Variants in MFSD8 observed in about 807,000 individuals in gnomAD.
MFSD8 encodes the protein major facilitator superfamily domain containing 8.
Under a neutral mutation model 66.4 loss-of-function variants are expected in MFSD8, and 55 were observed. The observed-to-expected ratio is 0.83, with a 90% CI of 0.67 to 1.04. The LOEUF (loss-of-function observed/expected upper bound fraction) is 1.04. Ranked by LOEUF, MFSD8 falls within the 50% of genes least tolerant of loss-of-function variation. MFSD8 has a pLI of 0.00. For missense variants in MFSD8, 550 were observed against 627.6 expected, an observed-to-expected ratio of 0.88 and a Z score of 1.32; for synonymous variants, 202 against 212.8, an observed-to-expected ratio of 0.95 and a Z score of 0.44.
rs969720662 is a variant in MFSD8 at position 127,919,504 on chromosome 4, T to C, written c.*1126A>G. The C allele has an allele frequency of 3.3e-5, 5 of 152,228 alleles. No homozygotes were observed. Among genetic ancestry groups the C allele is most frequent in the Non-Finnish European group, 5.9e-5 (4 of 68,030 alleles). The allele number at this position is 152,228 out of a possible 1,614,324, so 9.4% of individuals were successfully genotyped here. A position where few individuals can be genotyped will look rare whatever the true frequency, so the allele number is the denominator to read the frequency against. ...GTTCCTTTTATCAGCATTCAACTTATGTAGAGGTAGAAGTTAAACATACAG... is the reference window on the plus strand; with the variant it reads ...GTTCCTTTTATCAGCATTCAACTTACGTAGAGGTAGAAGTTAAACATACAG... On this transcript the variant is annotated 3_prime_UTR_variant, in exon 12 of 12. Transcript: ENST00000641686.
intron 9 of MFSD8, among the ~76,000 whole-genome samples, chr4:127,923,694 C>T (rs1392548687): frequency 2.0e-5 from 3 of 151,596 alleles, no homozygotes; most frequent in Non-Finnish European, 2.9e-5. Context: ...ATTCTCCTGC[C>T]TCAGTCTCCT....
chr4:127,964,872 A>T (rs1202334200), intron 1 of MFSD8, 200 bp downstream of exon 1: 1 of 666,426 alleles, frequency 1.5e-6, no homozygotes, highest in Non-Finnish European at 2.6e-6. Context: ...CCACGGGCTC[A>T]TCACCGCACG....
In MFSD8 at chr4:127,920,145, G is replaced by C. The variant is rs1022442141; in HGVS notation, c.*485C>G. The C allele has an allele frequency of 1.9e-5, 3 of 159,808 alleles. No homozygotes were observed. Among genetic ancestry groups the C allele is most frequent in the Non-Finnish European group, 2.8e-5 (2 of 72,724 alleles). The allele number at this position is 159,808 out of a possible 1,614,324, so 9.9% of individuals were successfully genotyped here. A position where few individuals can be genotyped will look rare whatever the true frequency, so the allele number is the denominator to read the frequency against. On this transcript the variant is annotated 3_prime_UTR_variant, in exon 12 of 12. Transcript: ENST00000641686. The stretch of plus-strand genomic sequence containing the variant: ...TAATTTTTATTTCATAAGTGAACTT[G>C]ATAATAGAAAATGCATTTTTTTATA...
chr4:127,952,882 A>AG (rs1454607008), intron 2 of MFSD8, among the ~76,000 whole-genome samples: 1 of 152,128 alleles, frequency 6.6e-6, no homozygotes, highest in African/African-American at 2.4e-5. Context: ...AAAAAAAAAA[A>AG]AAAAAAAAAT....
chr4:127,927,675 T>G (rs1316816055), intron 9 of MFSD8, among the ~76,000 whole-genome samples: 1 of 152,126 alleles, frequency 6.6e-6, no homozygotes, highest in African/African-American at 2.4e-5. Flanking sequence ...TTCCTTACAG[T>G]TGTACTTTTA....
At chr4:127,922,638 A>G (rs568365806) in intron 9 of MFSD8, among the ~76,000 whole-genome samples, 1 of 152,160 alleles carries the variant, frequency 6.6e-6, no homozygotes, top group South Asian at 2.1e-4. Context: ...AAAAAAAAAA[A>G]GTGTTATAAT....
At chr4:127,936,739 T>A (rs923656215) in intron 7 of MFSD8, among the ~76,000 whole-genome samples, 1 of 152,102 alleles carries the variant, frequency 6.6e-6, no homozygotes. Flanking sequence ...AGAAGCAACA[T>A]CCTGTGTTTT....
At chr4:127,932,064 T>C (rs886572864) in intron 8 of MFSD8, among the ~76,000 whole-genome samples, 4 of 152,140 alleles carry the variant, frequency 2.6e-5, no homozygotes, top group African/African-American at 9.7e-5. Flanking sequence ...TGAGCCGTGA[T>C]TGCACCACTG....
chr4:127,961,657 A>C (rs1055922183), intron 1 of MFSD8, among the ~76,000 whole-genome samples: 1 of 151,980 alleles, frequency 6.6e-6, no homozygotes, highest in Non-Finnish European at 1.5e-5. Context: ...TACTAAAAAT[A>C]CAAAAAAAAT....
intron 9 of MFSD8, among the ~76,000 whole-genome samples, chr4:127,927,712 G>C (rs1195832619): frequency 6.6e-6 from 1 of 151,732 alleles, no homozygotes; most frequent in African/African-American, 2.4e-5. Context: ...TTAAGAGATG[G>C]GTCTTGCTCT....
At position 127,958,089 on chromosome 4, in the gene MFSD8, G is replaced by A. The variant is rs540699268; in HGVS notation, c.63-497C>T. ...CAGAAAACAGGAATGATACCAGGAA[G>A]GTTTAACGTAACCTAAGACATTTTC... is the stretch of plus-strand genomic sequence containing the variant. On this transcript the variant is annotated intron_variant, in intron 1 of 11. Coordinates refer to ENST00000641686, the MANE Select transcript of MFSD8 (RefSeq NM_001371596.2). Among the ~76,000 whole-genome samples, 5 of 152,250 alleles carry A rather than the reference G, an allele frequency of 3.3e-5. No individual in the cohort carries two copies. The South Asian group carries it at 1.0e-3, about 32-fold the overall frequency.
intron 7 of MFSD8, among the ~76,000 whole-genome samples, 183 bp downstream of exon 7, chr4:127,938,600 T>TAA (rs1560744922): frequency 3.3e-5 from 4 of 121,156 alleles, no homozygotes; most frequent in South Asian, 2.3e-4. Context: ...AAAAAATAAA[T>TAA]AAATAAATAA....
intron 2 of MFSD8, among the ~76,000 whole-genome samples, chr4:127,955,901 G>A (rs888051302): frequency 2.0e-5 from 3 of 151,894 alleles, no homozygotes; most frequent in Non-Finnish European, 4.4e-5. Context: ...GGCAGATCAT[G>A]AGGTCACGAG....
At chr4:127,943,054 T>A (rs1219456301) in intron 4 of MFSD8, among the ~76,000 whole-genome samples, 1 of 151,866 alleles carries the variant, frequency 6.6e-6, no homozygotes, top group African/African-American at 2.4e-5. Flanking sequence ...GCGTCTCTAC[T>A]AAAAATACAA....
At chr4:127,962,334 G>A (rs1743925758) in intron 1 of MFSD8, among the ~76,000 whole-genome samples, 2 of 152,048 alleles carry the variant, frequency 1.3e-5, no homozygotes, top group Admixed American at 1.3e-4. Flanking sequence ...GTGTCTGGTG[G>A]CCCACGTCTG....
chr4:127,953,544 T>G (rs1280133720), intron 2 of MFSD8, among the ~76,000 whole-genome samples: 1 of 94,052 alleles, frequency 1.1e-5, no homozygotes, highest in Non-Finnish European at 2.0e-5. Context: ...AGGCATTCTG[T>G]TTTTTTTTTT....
At chr4:127,963,543 C>T (rs1744196460) in intron 1 of MFSD8, among the ~76,000 whole-genome samples, 1 of 152,074 alleles carries the variant, frequency 6.6e-6, no homozygotes, top group Non-Finnish European at 1.5e-5. Flanking sequence ...TTCGTGGTCT[C>T]GCTGGCTCAA....
intron 4 of MFSD8, 22 bp downstream of exon 4, chr4:127,943,729 CA>C: frequency 6.2e-7 from 1 of 1,613,776 alleles, no homozygotes; most frequent in Non-Finnish European, 8.5e-7. Context: ...ATGACACAAC[CA>C]AACATATACA....
intron 2 of MFSD8, among the ~76,000 whole-genome samples, chr4:127,954,486 C>A (rs1742532612): frequency 6.6e-6 from 1 of 152,078 alleles, no homozygotes; most frequent in Non-Finnish European, 1.5e-5. Flanking sequence ...TGTGGTGGCA[C>A]ACACCTGCAG....
Sources: gnomAD v4.1 joint callset for allele counts (sites outside exome capture counted in the v4.1 genomes callset) on GRCh38, gnomAD v4.1.1 for gene constraint, MANE v1.5 for transcripts, NCBI Gene and HGNC (gene_info 2026-07-23, HGNC 2026-07-21) for gene names.